Variants in CD300LG observed in about 807,000 individuals in gnomAD.
The protein encoded by CD300LG is CMRF35-like molecule 9.
In CD300LG, 29 loss-of-function variants were observed where a neutral mutation model predicts 31.5. The ratio of observed to expected loss-of-function variants is 0.92; its 90% CI spans 0.68 to 1.25. CD300LG has a LOEUF of 1.25. Among genes scored for constraint, CD300LG ranks in the 50% most tolerant of loss-of-function variants. The pLI, the probability that CD300LG is intolerant of heterozygous loss-of-function variation, is 0.00. For missense variants in CD300LG, 396 were observed against 417.6 expected, an observed-to-expected ratio of 0.95 and a Z score of 0.45; for synonymous variants, 175 against 177.2, an observed-to-expected ratio of 0.99 and a Z score of 0.10.
chr17:43,857,799 ATGTTTTCTCTGAGCCTGCCT>A, intron 6 of CD300LG: 1 of 1,537,226 alleles, frequency 6.5e-7, no homozygotes, highest in Non-Finnish European at 8.7e-7. Context: ...GAACTCCCTG[ATGTTTTCTCTGAGCCTGCCT>A]TGGCTCTGAG....
rs75299839 is a variant in CD300LG at position 43,860,124 on chromosome 17, C to T, written c.886-1674C>T. Among the ~76,000 whole-genome samples, 778 of 152,270 alleles carry T rather than the reference C, an allele frequency of 5.1e-3. 15 individuals carry two copies. Among genetic ancestry groups the T allele is most frequent in the Admixed American group, 0.035 (529 of 15,304 alleles). ...CTAGGTATTGAGAGAAGCTGGGCCCCGGTTAGTAGACCATGGACACCGAGC... is the reference window on the plus strand; with the variant it reads ...CTAGGTATTGAGAGAAGCTGGGCCCTGGTTAGTAGACCATGGACACCGAGC... On this transcript the variant is annotated intron_variant, in intron 6 of 6. Coordinates refer to ENST00000317310, the MANE Select transcript of CD300LG (RefSeq NM_145273.4).
In CD300LG at chr17:43,861,818, C is replaced by A. The variant is rs777471593; in HGVS notation, c.906C>A (p.Ala302=). Reference sequence around the variant, plus strand: ...TACAGACTGCGGAGGAAAAGGAAGCCCCTTCCCAGGCCCCTGAGGGGGACG... The same window carrying A: ...TACAGACTGCGGAGGAAAAGGAAGCACCTTCCCAGGCCCCTGAGGGGGACG... ...LSRLTAEEKE[A]PSQAPEGDVI... is the part of the protein sequence containing the mutation. Residue 302 remains alanine, a synonymous_variant, in exon 7 of 7, where the codon GCC becomes GCA. Transcript: ENST00000317310. The A allele has an allele frequency of 3.1e-6, 5 of 1,609,382 alleles. No homozygotes were observed. In the African/African-American group the frequency reaches 6.7e-5, roughly 22 times the overall value.
At chr17:43,854,574 C>T (rs2046457966) in intron 4 of CD300LG, among the ~76,000 whole-genome samples, 1 of 152,056 alleles carries the variant, frequency 6.6e-6, no homozygotes, top group South Asian at 2.1e-4. Context: ...GATGGGACAT[C>T]GTGGTCCCTA....
At chr17:43,860,962 C>T (rs1472751582) in intron 6 of CD300LG, among the ~76,000 whole-genome samples, 1 of 152,114 alleles carries the variant, frequency 6.6e-6, no homozygotes, top group Non-Finnish European at 1.5e-5. Flanking sequence ...TTGGACAAGA[C>T]AGGAAGGAAG....
At chr17:43,848,266 A>ACAAC (rs1306439449) in intron 1 of CD300LG, among the ~76,000 whole-genome samples, 6 of 152,042 alleles carry the variant, frequency 3.9e-5, no homozygotes, top group African/African-American at 1.4e-4. Context: ...AAACAAACAA[A>ACAAC]ACAAAACAAA....
At chr17:43,861,240 A>G (rs898828618) in intron 6 of CD300LG, 2 of 985,316 alleles carry the variant, frequency 2.0e-6, no homozygotes, top group African/African-American at 1.7e-5. Flanking sequence ...ACAGAGATCC[A>G]GTATCTAAGC....
rs2046672090 is a variant in CD300LG, at chr17:43,862,539, C to T, written c.*628C>T. The T allele has an allele frequency of 6.6e-6, 1 of 152,268 alleles. No homozygotes were observed. Among genetic ancestry groups the T allele is most frequent in the Non-Finnish European group, 1.5e-5 (1 of 68,082 alleles). The allele number at this position is 152,268 out of a possible 1,614,324, so 9.4% of individuals were successfully genotyped here. A position where few individuals can be genotyped will look rare whatever the true frequency, so the allele number is the denominator to read the frequency against. ...TTCTAACAATGCCCAGTGACTGTCG[C>T]ACTTGAGTTTGAGGGCCAGTGGGCC... is the stretch of plus-strand genomic sequence containing the variant. On this transcript the variant is annotated 3_prime_UTR_variant, in exon 7 of 7. Coordinates refer to ENST00000317310, the MANE Select transcript of CD300LG (RefSeq NM_145273.4).
chr17:43,857,872 T>C, intron 6 of CD300LG: 1 of 1,537,116 alleles, frequency 6.5e-7, no homozygotes, highest in Non-Finnish European at 8.7e-7. Context: ...CTGAGGGTGG[T>C]GCTCTGGGGA....
intron 1 of CD300LG, among the ~76,000 whole-genome samples, chr17:43,848,049 T>C (rs1247956767): frequency 2.6e-5 from 4 of 152,152 alleles, no homozygotes. Context: ...AAGACCATCC[T>C]GGCTAACACG....
intron 6 of CD300LG, chr17:43,857,390 G>T: frequency 6.5e-7 from 1 of 1,535,306 alleles, no homozygotes. Context: ...TTCCCGCCAG[G>T]TGCCAGGCAG....
rs990374461 is a variant in CD300LG, at chr17:43,857,273, A to G, written c.885+117A>G. ...GGTCCTCCTTGCCTGACCTAGAGGC[A>G]GCGCTTGCTCCCCACCTTGGAGGAA... On this transcript the variant is annotated intron_variant, in intron 6 of 6. Coordinates refer to ENST00000317310, the MANE Select transcript of CD300LG (RefSeq NM_145273.4). 9.0e-6 allele frequency: 13 copies of G among 1,447,508 alleles called. No homozygotes were observed. The African/African-American group carries it at 1.3e-4, about 14-fold the overall frequency. 89.7% of individuals were successfully genotyped at this position (1,447,508 alleles called of 1,614,324 possible).
In CD300LG at chr17:43,852,972, A is replaced by C; in HGVS notation, c.440A>C (p.Gln147Pro). ...CAGCCTCTGGCTACAACACGCCTGC[A>C]GCCCAAGGCAAAAGCTCAGCAAACC... Reference protein sequence around the residue: ...TFQPLATTRLQPKAKAQQTQP... With the variant: ...TFQPLATTRLPPKAKAQQTQP... The change falls in exon 3 of 7, where the codon CAG becomes CCG. Residue 147 changes from glutamine to proline, a missense_variant. Gln to Pro is a moderately conservative substitution (Grantham distance 76). Transcript: ENST00000317310. 1.2e-6 allele frequency: 2 copies of C among 1,612,520 alleles called. No individual in the cohort carries two copies. The highest frequency in any genetic ancestry group is 1.7e-6 in the Non-Finnish European group (2 of 1,179,320).
chr17:43,847,594 C>T (rs1028863206), intron 1 of CD300LG, among the ~76,000 whole-genome samples: 4 of 152,222 alleles, frequency 2.6e-5, no homozygotes, highest in Non-Finnish European at 4.4e-5. Flanking sequence ...CCCTGTTAAA[C>T]TCAGCAAATA....
intron 6 of CD300LG, among the ~76,000 whole-genome samples, chr17:43,858,984 C>T (rs543475632): frequency 7.9e-5 from 12 of 152,268 alleles, no homozygotes; most frequent in South Asian, 6.2e-4. Context: ...CATTCCCATA[C>T]GAGGTAGAGT....
chr17:43,857,321 C>A, intron 6 of CD300LG, 165 bp downstream of exon 6: 1 of 1,464,634 alleles, frequency 6.8e-7, no homozygotes, highest in South Asian at 1.3e-5. Flanking sequence ...CCAAGATCAG[C>A]CCTTCAGGGT....
In CD300LG at chr17:43,862,806, A is replaced by C. The variant is rs1205342079; in HGVS notation, c.*895A>C. ...GCCATGCCTTCTTGCCTTTGGAAAA[A>C]TGATGAAGAAAACCTTGGCTCCTTC... is the stretch of plus-strand genomic sequence containing the variant. On this transcript the variant is annotated 3_prime_UTR_variant, in exon 7 of 7. Coordinates refer to ENST00000317310, the MANE Select transcript of CD300LG (RefSeq NM_145273.4). 3 of 152,256 alleles carry C rather than the reference A, an allele frequency of 2.0e-5. No homozygotes were observed. The highest frequency in any genetic ancestry group is 4.4e-5 in the Non-Finnish European group (3 of 68,098). 9.4% of individuals were successfully genotyped at this position (152,256 alleles called of 1,614,324 possible). A position where few individuals can be genotyped will look rare whatever the true frequency, so the allele number is the denominator to read the frequency against.
chr17:43,847,737 CA>C, intron 1 of CD300LG, among the ~76,000 whole-genome samples: 1 of 152,322 alleles, frequency 6.6e-6, no homozygotes, highest in African/African-American at 2.4e-5. Flanking sequence ...CAACTGATGT[CA>C]GTTGTTCAGT....
At chr17:43,849,275 C>G in intron 2 of CD300LG, 2 of 351,758 alleles carry the variant, frequency 5.7e-6, no homozygotes. Flanking sequence ...TGAGGCCTCC[C>G]GAGGCTGGGC....
chr17:43,860,205 G>T (rs2046624001), intron 6 of CD300LG, among the ~76,000 whole-genome samples: 1 of 152,222 alleles, frequency 6.6e-6, no homozygotes, highest in Non-Finnish European at 1.5e-5. Flanking sequence ...TAGGGAAAGA[G>T]CTTGGGTCTG....
Sources: gnomAD v4.1 joint callset for allele counts (sites outside exome capture counted in the v4.1 genomes callset) on GRCh38, gnomAD v4.1.1 for gene constraint, MANE v1.5 for transcripts, NCBI Gene and HGNC (gene_info 2026-07-23, HGNC 2026-07-21) for gene names.